FGGY: variants seen among roughly 807,000 people sequenced by gnomAD.
FGGY encodes the protein FGGY carbohydrate kinase domain-containing protein.
In FGGY, 72 loss-of-function variants were observed where a neutral mutation model predicts 71.3. The ratio of observed to expected loss-of-function variants is 1.01; its 90% CI spans 0.84 to 1.23. The LOEUF is 1.23. FGGY is among the 50% of genes most tolerant of loss of function. FGGY has a pLI of 0.00. For missense variants in FGGY, 668 were observed against 682.3 expected, an observed-to-expected ratio of 0.98 and a Z score of 0.23; for synonymous variants, 251 against 250.3, an observed-to-expected ratio of 1.00 and a Z score of -0.02.
intron 5 of FGGY, among the ~76,000 whole-genome samples, chr1:59,415,215 T>G (rs1228761074): frequency 6.6e-6 from 1 of 151,930 alleles, no homozygotes; most frequent in East Asian, 2.0e-4. Flanking sequence ...TACTTAAGTG[T>G]TTTTTTGCAG....
intron 6 of FGGY, among the ~76,000 whole-genome samples, chr1:59,493,132 A>ACACACACACACACACACACACAC (rs1200996976): frequency 1.8e-5 from 1 of 54,814 alleles, no homozygotes; most frequent in African/African-American, 5.1e-5. Context: ...CACACACACA[A>ACACACACACACACACACACACAC]AACAGAAAGT....
At chr1:59,363,642 C>T (rs1213373121) in intron 4 of FGGY, among the ~76,000 whole-genome samples, 1 of 152,148 alleles carries the variant, frequency 6.6e-6, no homozygotes, top group Non-Finnish European at 1.5e-5. Context: ...TAGCATATTG[C>T]ATGATCAGAA....
At chr1:59,715,409 T>C (rs150433222) in intron 14 of FGGY, among the ~76,000 whole-genome samples, 5 of 152,326 alleles carry the variant, frequency 3.3e-5, no homozygotes, top group South Asian at 2.1e-4. Context: ...GCAACATTCA[T>C]TGGGATCCGC....
chr1:59,606,251 C>G (rs2096622383), intron 8 of FGGY, among the ~76,000 whole-genome samples: 1 of 152,192 alleles, frequency 6.6e-6, no homozygotes, highest in Admixed American at 6.5e-5. Flanking sequence ...ACTTGGAACA[C>G]CTGTTTCACT....
At chr1:59,607,778 A>T in intron 8 of FGGY, 25 bp from the exon 9 acceptor site, 2 of 1,579,484 alleles carry the variant, frequency 1.3e-6, no homozygotes, top group Non-Finnish European at 1.7e-6. Flanking sequence ...CAATGTTTTC[A>T]CATATTTTCC....
At chr1:59,583,451 G>A (rs1454351644) in intron 8 of FGGY, among the ~76,000 whole-genome samples, 1 of 143,442 alleles carries the variant, frequency 7.0e-6, no homozygotes, top group East Asian at 2.0e-4. Context: ...ATATTTCAGA[G>A]GCTTCATTTC....
chr1:59,310,988 T>A (rs1212749209), intron 1 of FGGY, among the ~76,000 whole-genome samples: 4 of 152,162 alleles, frequency 2.6e-5, no homozygotes, highest in African/African-American at 4.8e-5. Context: ...ACAAGGAAGG[T>A]AGGGAGCAGA....
chr1:59,427,429 G>A (rs1187073394), intron 5 of FGGY, among the ~76,000 whole-genome samples: 3 of 152,156 alleles, frequency 2.0e-5, no homozygotes, highest in Non-Finnish European at 4.4e-5. Flanking sequence ...ACGAGATGGC[G>A]GAGGTAAGAG....
chr1:59,311,243 T>A (rs1246879054), intron 1 of FGGY, among the ~76,000 whole-genome samples: 18 of 144,614 alleles, frequency 1.2e-4, no homozygotes, highest in Non-Finnish European at 2.7e-4. Context: ...AACCTGAAAT[T>A]TTTTTTTTTT....
At chr1:59,587,852 CAG>C (rs2096339107) in intron 8 of FGGY, among the ~76,000 whole-genome samples, 2 of 152,256 alleles carry the variant, frequency 1.3e-5, no homozygotes, top group South Asian at 2.1e-4. Flanking sequence ...GGGGAAAAAA[CAG>C]AGCAGAAAAA....
chr1:59,508,552 C>G (rs2094447778), intron 6 of FGGY, among the ~76,000 whole-genome samples: 1 of 152,198 alleles, frequency 6.6e-6, no homozygotes, highest in African/African-American at 2.4e-5. Flanking sequence ...CCTCTGACAG[C>G]TCTAGTGCCC....
At chr1:59,398,571 G>T (rs1028239146) in intron 5 of FGGY, among the ~76,000 whole-genome samples, 6 of 152,010 alleles carry the variant, frequency 3.9e-5, no homozygotes, top group South Asian at 2.1e-4. Flanking sequence ...GTTTTCAGAG[G>T]CCATTTGCCA....
chr1:59,302,903 G>A (rs1431438827), intron 1 of FGGY, among the ~76,000 whole-genome samples: 1 of 152,090 alleles, frequency 6.6e-6, no homozygotes, highest in African/African-American at 2.4e-5. Context: ...AGGGCCTGGA[G>A]TTGTTGTTTT....
intron 14 of FGGY, among the ~76,000 whole-genome samples, chr1:59,716,204 A>G (rs746300885): frequency 4.6e-5 from 7 of 152,334 alleles, no homozygotes; most frequent in African/African-American, 1.7e-4. Context: ...CTTATATATA[A>G]TATATATGAA....
At chr1:59,748,431 G>A (rs563405100) in intron 14 of FGGY, among the ~76,000 whole-genome samples, 93 of 152,244 alleles carry the variant, frequency 6.1e-4, no homozygotes, top group Admixed American at 6.0e-3. Context: ...TATGGAAAAA[G>A]CCAGACAGTC....
chr1:59,622,430 C>A lies in FGGY; in HGVS notation c.1012-3558C>A, dbSNP rs72919620. 6.4e-3 allele frequency among the ~76,000 whole-genome samples: 969 copies of A among 152,126 alleles called. 9 individuals are homozygous for A. Among genetic ancestry groups the A allele is most frequent in the African/African-American group, 0.022 (903 of 41,512 alleles). On this transcript the variant is annotated intron_variant, in intron 9 of 15. Coordinates refer to ENST00000303721, the MANE Select transcript of FGGY (RefSeq NM_018291.5). ...GAGACACTGTATTATTTCTGTTTCT[C>A]TTTTGAGTATTGATTTTTTGGTTTA...
At position 59,568,409 on chromosome 1, in the gene FGGY, A is replaced by G. The variant is rs1217995269; in HGVS notation, c.903+14182A>G. 4.9e-5 allele frequency among the ~76,000 whole-genome samples: 6 copies of G among 122,782 alleles called. No homozygotes were observed. The Admixed American group carries it at 6.9e-4, about 14-fold the overall frequency. 80.5% of individuals were successfully genotyped at this position (122,782 alleles called of 152,430 possible). ...GCATCATTACTAGAATCATCATTGC[A>G]TATACTGAGGATTTACTATGTTGTT... On this transcript the variant is annotated intron_variant, in intron 8 of 15. Transcript: ENST00000303721.
At chr1:59,467,694 A>T (rs2153537661) in intron 6 of FGGY, among the ~76,000 whole-genome samples, 1 of 152,208 alleles carries the variant, frequency 6.6e-6, no homozygotes, top group South Asian at 2.1e-4. Flanking sequence ...ACTGTACTGA[A>T]ATTAAAAAAA....
intron 8 of FGGY, among the ~76,000 whole-genome samples, chr1:59,580,165 T>C (rs867513034): frequency 5.9e-5 from 9 of 152,148 alleles, no homozygotes; most frequent in Admixed American, 3.9e-4. Flanking sequence ...AACCTCTCTA[T>C]CCTTCTTTAT....
Sources: gnomAD v4.1 joint callset for allele counts (sites outside exome capture counted in the v4.1 genomes callset) on GRCh38, gnomAD v4.1.1 for gene constraint, MANE v1.5 for transcripts, NCBI Gene and HGNC (gene_info 2026-07-23, HGNC 2026-07-21) for gene names.